AGAP6: variants seen among roughly 807,000 people sequenced by gnomAD.
The protein encoded by AGAP6 is ArfGAP with GTPase domain, ankyrin repeat and PH domain 6.
In AGAP6, 29 loss-of-function variants were observed where a neutral mutation model predicts 63.9. The observed-to-expected ratio is 0.45, with a 90% CI of 0.34 to 0.62. The LOEUF is 0.62. Ranked by LOEUF, AGAP6 falls within the 20% of genes least tolerant of loss-of-function variation. AGAP6 has a pLI of 0.01. For synonymous variants in AGAP6, 199 were observed against 332.9 expected (o/e 0.60, Z 4.38); for missense variants, 493 against 884.9 (o/e 0.56, Z 5.62).
In AGAP6 at chr10:50,009,561, G is replaced by C. The variant is rs1198291999; in HGVS notation, c.1436G>C (p.Cys479Ser). ...CAAAACATGCGTGGGAACGCCCACT[G>C]TGTGGACTGTGAGACCCAGAATCCT... Reference protein sequence around the residue: ...SIQNMRGNAHCVDCETQNPKW... With the variant: ...SIQNMRGNAHSVDCETQNPKW... Residue 479 changes from cysteine (C) to serine (S), a missense_variant, in exon 8 of 8, where the codon TGT (cysteine) becomes TCT (serine). This residue lies in a region of AGAP6 where 14 missense variants were observed against 28.6 expected (regional missense o/e 0.49). Transcript: ENST00000412531. 5.0e-6 allele frequency: 8 copies of C among 1,613,830 alleles called. No homozygotes were observed. Among genetic ancestry groups the C allele is most frequent in the Non-Finnish European group, 5.1e-6 (6 of 1,179,994 alleles).
chr10:49,990,032 A>G (rs1299841653), intron 2 of AGAP6, among the ~76,000 whole-genome samples: 11 of 152,248 alleles, frequency 7.2e-5, no homozygotes, highest in African/African-American at 2.7e-4. Context: ...TTAATGTGTA[A>G]TATAAAGATT....
At chr10:50,007,844 A>T (rs1422333881) in intron 6 of AGAP6, among the ~76,000 whole-genome samples, 181 bp from the exon 7 acceptor site, 1 of 152,202 alleles carries the variant, frequency 6.6e-6, no homozygotes, top group Non-Finnish European at 1.5e-5. Flanking sequence ...GATACAGGCC[A>T]TGATGTGCTG....
chr10:50,002,203 A>G, intron 5 of AGAP6, 107 bp downstream of exon 5: 1 of 1,018,120 alleles, frequency 9.8e-7, no homozygotes, highest in Non-Finnish European at 1.4e-6. Context: ...AGTCAACCAT[A>G]TATTGATATC....
intron 4 of AGAP6, among the ~76,000 whole-genome samples, chr10:49,997,991 C>CATATATATATATATATAT (rs4043250): frequency 8.0e-6 from 1 of 124,226 alleles, no homozygotes; most frequent in African/African-American, 3.2e-5. Flanking sequence ...TGGAATTCCT[C>CATATATATATATATATAT]ATATATATAT....
chr10:49,993,386 A>C (rs189844828), intron 3 of AGAP6, among the ~76,000 whole-genome samples: 3 of 152,226 alleles, frequency 2.0e-5, no homozygotes, highest in Non-Finnish European at 1.5e-5. Context: ...CATCAAAGGC[A>C]GAGGCAGTGT....
intron 3 of AGAP6, among the ~76,000 whole-genome samples, chr10:49,993,691 G>A (rs1256372122): frequency 6.6e-6 from 1 of 152,030 alleles, no homozygotes; most frequent in Non-Finnish European, 1.5e-5. Context: ...ATGGTGGCAT[G>A]TGCCTGTACT....
Position 49,991,867 on chromosome 10 carries a change from G to A in AGAP6, c.361+123G>A. The A allele has an allele frequency of 1.0e-5, 15 of 1,458,478 alleles. No individual in the cohort carries two copies. In the South Asian group the frequency reaches 1.5e-4, roughly 14 times the overall value. 90.3% of individuals were successfully genotyped at this position (1,458,478 alleles called of 1,614,324 possible). A position where few individuals can be genotyped will look rare whatever the true frequency, so the allele number is the denominator to read the frequency against. On this transcript the variant is annotated intron_variant, in intron 3 of 7. Transcript: ENST00000412531. Reference sequence around the variant, plus strand: ...TTTTCACCTTTTCACATGTTCACTTGTCTTATTTTAATATGTGATATACTT... The same window carrying A: ...TTTTCACCTTTTCACATGTTCACTTATCTTATTTTAATATGTGATATACTT...
At chr10:49,991,571 A>G (rs1841281301) in intron 2 of AGAP6, 105 bp from the exon 3 acceptor site, 1 of 1,439,964 alleles carries the variant, frequency 6.9e-7, no homozygotes. Context: ...ATAAGAATCA[A>G]AGTAGAGATA....
In AGAP6 at chr10:49,991,801, G is replaced by C. The variant is rs1210057400; in HGVS notation, c.361+57G>C. On this transcript the variant is annotated intron_variant, in intron 3 of 7. Coordinates refer to ENST00000412531, the MANE Select transcript of AGAP6 (RefSeq NM_001077665.3). The stretch of plus-strand genomic sequence containing the variant: ...AAGAATAAAAGCTCTTGTTTGATCA[G>C]GTTATAGAAAGTATTTAGAAAAACT... 3 of 1,590,428 alleles carry C rather than the reference G, an allele frequency of 1.9e-6. No individual in the cohort carries two copies. The East Asian group carries it at 6.7e-5, about 36-fold the overall frequency.
rs1442848001 is a variant in AGAP6 at position 50,008,712 on chromosome 10, T to C, written c.587T>C (p.Val196Ala). 1.2e-6 allele frequency: 2 copies of C among 1,613,972 alleles called. No homozygotes were observed. Among genetic ancestry groups the C allele is most frequent in the East Asian group, 2.2e-5 (1 of 44,894 alleles). ...CATTCCTCCTCCTGTTCCACACAGG[T>C]TTCCACCGTGCACATTATGAAGAAA... The part of the protein sequence containing the change: ...IPDEQLHSFA[V>A]STVHIMKKRN... Residue 196 changes from valine to alanine, a missense_variant and splice_region_variant, in exon 8 of 8, where the codon GTT (valine) becomes GCT (alanine). Around this residue, in one of 7 missense-constraint regions of AGAP6, gnomAD observed 342 missense variants for 533.4 expected, o/e 0.64. Coordinates refer to ENST00000412531, the MANE Select transcript of AGAP6 (RefSeq NM_001077665.3).
At chr10:50,002,215 A>T (rs1245806395) in intron 5 of AGAP6, 119 bp downstream of exon 5, 2 of 904,816 alleles carry the variant, frequency 2.2e-6, no homozygotes, top group Non-Finnish European at 3.2e-6. Context: ...ATTGATATCC[A>T]GATTCTGAAT....
chr10:49,989,374 A>C lies in AGAP6; in HGVS notation c.290A>C (p.Glu97Ala). 1 of 1,597,472 alleles carries C rather than the reference A, an allele frequency of 6.3e-7. No homozygotes were observed. The change falls in exon 2 of 8, where the codon GAA becomes GCA. Residue 97 changes from glutamate (E) to alanine (A), a missense_variant and splice_region_variant. This residue lies in a region of AGAP6 where 342 missense variants were observed against 533.4 expected (regional missense o/e 0.64). Transcript: ENST00000412531. The stretch of plus-strand genomic sequence containing the variant: ...ATATTCCAGAGGAACTCTCAAACAG[A>C]AGGTGAGACAACAGTGTCTGTAGCT... ...STIFQRNSQT[E>A]ALEFNPSANP...
chr10:49,996,155 G>A (rs1284548969), intron 4 of AGAP6, among the ~76,000 whole-genome samples: 6 of 151,614 alleles, frequency 4.0e-5, no homozygotes, highest in Admixed American at 3.3e-4. Flanking sequence ...TTTTCAGTTT[G>A]TCTTTTTATT....
chr10:49,997,403 G>A (rs1400308761), intron 4 of AGAP6, among the ~76,000 whole-genome samples: 1 of 152,158 alleles, frequency 6.6e-6, no homozygotes, highest in Non-Finnish European at 1.5e-5. Context: ...GGAGGCTGAG[G>A]CAGAGGATCA....
At chr10:49,996,644 T>G (rs1841498816) in intron 4 of AGAP6, among the ~76,000 whole-genome samples, 1 of 150,914 alleles carries the variant, frequency 6.6e-6, no homozygotes, top group Non-Finnish European at 1.5e-5. Context: ...TTCTCAGGTT[T>G]GATATATCCA....
At chr10:50,002,201 A>T in intron 5 of AGAP6, 105 bp downstream of exon 5, 1 of 1,011,500 alleles carries the variant, frequency 9.9e-7, no homozygotes, top group African/African-American at 2.1e-5. Flanking sequence ...GGAGTCAACC[A>T]TATATTGATA....
chr10:49,993,319 T>G (rs1402615665), intron 3 of AGAP6, among the ~76,000 whole-genome samples: 2 of 152,124 alleles, frequency 1.3e-5, no homozygotes, highest in Non-Finnish European at 1.5e-5. Flanking sequence ...AAAGAAAAGC[T>G]ATTCCATGTC....
chr10:50,005,730 G>T (rs1308061205), intron 6 of AGAP6, among the ~76,000 whole-genome samples: 1 of 149,482 alleles, frequency 6.7e-6, no homozygotes, highest in African/African-American at 2.5e-5. Context: ...AGACCAGCCC[G>T]ACCAACATGG....
In AGAP6 at chr10:50,008,030, C is replaced by G. The variant is rs782544196; in HGVS notation, c.539C>G (p.Ala180Gly). 1.9e-6 allele frequency: 3 copies of G among 1,611,764 alleles called. No individual in the cohort carries two copies. In the Admixed American group the frequency reaches 5.0e-5, roughly 27 times the overall value. The change falls in exon 7 of 8, where the codon GCA (alanine) becomes GGA (glycine). Residue 180 changes from alanine (A) to glycine (G), a missense_variant. Transcript: ENST00000412531. ...TGCGCTTTCTTATTTTATAGAGATG[C>G]AGATAGAACTTTGAGCATACCTGAT... ...EIPHHITQRD[A>G]DRTLSIPDEQ...
Sources: gnomAD v4.1 joint callset for allele counts (sites outside exome capture counted in the v4.1 genomes callset) on GRCh38, gnomAD v4.1.1 for gene constraint, gnomAD v4.1.1 regional missense constraint, MANE v1.5 for transcripts, NCBI Gene and HGNC (gene_info 2026-07-23, HGNC 2026-07-21) for gene names.